The following LAMC3 variants were observed in gnomAD, a reference collection of about 807,000 sequenced individuals.
LAMC3 encodes laminin subunit gamma-3.
LAMC3 carries 128 observed loss-of-function variants against 173.8 expected under a neutral mutation model. The observed-to-expected ratio is 0.74, with a 90% CI of 0.64 to 0.85. LAMC3 has a LOEUF of 0.85. Among genes scored for constraint, LAMC3 ranks in the 40% least tolerant of loss-of-function variants. The pLI is 0.00. For synonymous variants in LAMC3, 897 were observed against 909.1 expected, an observed-to-expected ratio of 0.99 and a Z score of 0.24; for missense variants, 2,022 against 2,156.0, an observed-to-expected ratio of 0.94 and a Z score of 1.23.
Position 131,079,210 on chromosome 9 carries a change from C to T in LAMC3, c.3839C>T (p.Ala1280Val). 1 of 1,614,138 alleles carries T rather than the reference C, an allele frequency of 6.2e-7. No homozygotes were observed. Among genetic ancestry groups the T allele is most frequent in the Non-Finnish European group, 8.5e-7 (1 of 1,180,000 alleles). ...GCGAAGGCCCTGGAGAAGACAGTTGCATCATGGCAGCACATGGCCACTGAG... is the reference window on the plus strand; with the variant it reads ...GCGAAGGCCCTGGAGAAGACAGTTGTATCATGGCAGCACATGGCCACTGAG... Reference protein sequence around the residue: ...LKAKALEKTVASWQHMATEAA... With the variant: ...LKAKALEKTVVSWQHMATEAA... The change falls in exon 23 of 28, where the codon GCA (alanine) becomes GTA (valine). Residue 1280 changes from alanine to valine, a missense_variant. By Grantham distance (64) the Ala-to-Val change is moderately conservative. Coordinates refer to ENST00000361069, the MANE Select transcript of LAMC3 (RefSeq NM_006059.4).
rs749823705 is a variant in LAMC3, at chr9:131,067,003, G to T, written c.2391G>T (p.Pro797=). ...EVCDDGFFGD[P]LGLFGHPQPC... is the part of the protein sequence containing the mutation. ...GTGATGATGGCTTTTTTGGGGACCC[G>T]CTGGGGCTCTTTGGGCACCCCCAGC... The change falls in exon 14 of 28, where the codon CCG becomes CCT. Residue 797 remains proline, a synonymous_variant. Transcript: ENST00000361069. The T allele has an allele frequency of 6.2e-7, 1 of 1,613,908 alleles. No individual in the cohort carries two copies.
chr9:131,030,613 G>T (rs1045322024), intron 2 of LAMC3, among the ~76,000 whole-genome samples: 12 of 152,186 alleles, frequency 7.9e-5, no homozygotes, highest in Admixed American at 7.9e-4. Context: ...TTTAAATGGG[G>T]TTAATAACAA....
At chr9:131,053,091 GAA>G (rs947589909) in intron 11 of LAMC3, 126 bp downstream of exon 11, 3 of 773,810 alleles carry the variant, frequency 3.9e-6, no homozygotes, top group African/African-American at 3.4e-5. Context: ...GTTTTGCCAA[GAA>G]GGAACCTTAG....
At position 131,092,123 on chromosome 9, in the gene LAMC3, A is replaced by C. The variant is rs818055; in HGVS notation, c.*336A>C. The stretch of plus-strand genomic sequence containing the variant: ...GTGTTCAAGTCTAATCCATCCAGTC[A>C]GCAGCTTACGGTCCACACACATTAC... On this transcript the variant is annotated 3_prime_UTR_variant, in exon 28 of 28. Transcript: ENST00000361069. The C allele has an allele frequency of 0.72, 275,068 of 382,874 alleles. 102,460 individuals are homozygous for C. Among genetic ancestry groups the C allele is most frequent in the Admixed American group, 0.8 (20,348 of 25,480 alleles). 23.7% of individuals were successfully genotyped at this position (382,874 alleles called of 1,614,324 possible).
intron 12 of LAMC3, among the ~76,000 whole-genome samples, chr9:131,059,552 A>AAG (rs1314065960): frequency 4.0e-5 from 1 of 24,902 alleles, no homozygotes; most frequent in Non-Finnish European, 1.6e-4. Flanking sequence ...GAGGGCAAGC[A>AAG]CAACCACACG....
rs568225117 is a variant in LAMC3, at chr9:131,052,617, T to C, written c.1757T>C (p.Leu586Pro). 16 of 1,613,948 alleles carry C rather than the reference T, an allele frequency of 9.9e-6. 1 individual carries two copies. In the African/African-American group the frequency reaches 1.9e-4, roughly 19 times the overall value. Residue 586 changes from leucine (L) to proline (P), a missense_variant, in exon 10 of 28, where the codon CTG becomes CCG. Leu to Pro is a moderately conservative substitution (Grantham distance 98). Transcript: ENST00000361069. ...RLEGTGLALS[L>P]RHSSLSGPQD... ...GAAGGGACAGGCTTGGCCCTGTCCCTGAGGCACTCTAGCCTGTCTGGCCCC... is the reference window on the plus strand; with the variant it reads ...GAAGGGACAGGCTTGGCCCTGTCCCCGAGGCACTCTAGCCTGTCTGGCCCC...
chr9:131,078,074 T>C (rs1315301000), intron 22 of LAMC3, among the ~76,000 whole-genome samples: 1 of 152,146 alleles, frequency 6.6e-6, no homozygotes, highest in East Asian at 1.9e-4. Context: ...TCGGGAGCAA[T>C]GCACGAGGTA....
intron 11 of LAMC3, among the ~76,000 whole-genome samples, chr9:131,054,820 GA>G (rs1329802214): frequency 5.4e-5 from 6 of 110,542 alleles, no homozygotes; most frequent in African/African-American, 1.8e-4. Context: ...GAGAGAGAAA[GA>G]AAGAAGAAGG....
At chr9:131,090,140 C>T (rs1011984833) in intron 27 of LAMC3, among the ~76,000 whole-genome samples, 3 of 152,116 alleles carry the variant, frequency 2.0e-5, no homozygotes, top group Admixed American at 1.3e-4. Flanking sequence ...CACAGCCAGT[C>T]GGTAGGAAAG....
At position 131,026,600 on chromosome 9, in the gene LAMC3, A is replaced by T; in HGVS notation, c.678+11A>T. On this transcript the variant is annotated intron_variant, in intron 2 of 27. Coordinates refer to ENST00000361069, the MANE Select transcript of LAMC3 (RefSeq NM_006059.4). The surrounding 1 kb of genome is among the most constrained non-coding windows in gnomAD (Gnocchi z 4.8). ...AGCCCTGGGCTGCAGGTCAGGGAGGAGCGGGGCTTCGGAGGTTGGGACGGG... is the reference window on the plus strand; with the variant it reads ...AGCCCTGGGCTGCAGGTCAGGGAGGTGCGGGGCTTCGGAGGTTGGGACGGG... 6.4e-7 allele frequency: 1 copy of T among 1,568,984 alleles called. No individual in the cohort carries two copies. The highest frequency in any genetic ancestry group is 8.6e-7 in the Non-Finnish European group (1 of 1,157,436).
chr9:131,061,120 A>G lies in LAMC3; in HGVS notation c.2244A>G (p.Gln748=), dbSNP rs145178495. 6.2e-6 allele frequency: 10 copies of G among 1,613,926 alleles called. No homozygotes were observed. Among genetic ancestry groups the G allele is most frequent in the Non-Finnish European group, 7.6e-6 (9 of 1,180,038 alleles). Reference sequence around the variant, plus strand: ...TCTATGGCAACCCTTTCGCGGGCCAAGCCGACGACTGCCAGCCCTGTCCCT... The same window carrying G: ...TCTATGGCAACCCTTTCGCGGGCCAGGCCGACGACTGCCAGCCCTGTCCCT... ...PGFYGNPFAG[Q]ADDCQPCPCP... The change falls in exon 13 of 28, where the codon CAA becomes CAG. Residue 748 remains glutamine, a synonymous_variant. Coordinates refer to ENST00000361069, the MANE Select transcript of LAMC3 (RefSeq NM_006059.4).
intron 3 of LAMC3, among the ~76,000 whole-genome samples, chr9:131,035,849 C>T (rs926385553): frequency 6.6e-6 from 1 of 152,154 alleles, no homozygotes; most frequent in Non-Finnish European, 1.5e-5. Context: ...GGGGCTCCTC[C>T]CAGGCAGAAG....
At chr9:131,047,877 C>A (rs1834200887) in intron 8 of LAMC3, among the ~76,000 whole-genome samples, 1 of 150,914 alleles carries the variant, frequency 6.6e-6, no homozygotes, top group Non-Finnish European at 1.5e-5. Flanking sequence ...AAAAAGAAAA[C>A]AAGTAGTTTT....
rs56948132 is a variant in LAMC3, at chr9:131,022,215, AACACAC to A, written c.374-4046_374-4041del. Among the ~76,000 whole-genome samples the A allele has an allele frequency of 3.6e-3, 518 of 144,750 alleles. 1 individual carries two copies. The highest frequency in any genetic ancestry group is 0.013 in the African/African-American group (494 of 38,698). The allele number at this position is 144,750 out of a possible 152,430, so 95.0% of individuals were successfully genotyped here. A position where few individuals can be genotyped will look rare whatever the true frequency, so the allele number is the denominator to read the frequency against. ...TCATAAGCCAGGAGCTGTGGATGAA[AACACAC>A]ACACACACACACACACACACACATA... On this transcript the variant is annotated intron_variant, in intron 1 of 27. Coordinates refer to ENST00000361069, the MANE Select transcript of LAMC3 (RefSeq NM_006059.4).
chr9:131,048,987 A>G, intron 8 of LAMC3, 33 bp from the exon 9 acceptor site: 2 of 1,422,548 alleles, frequency 1.4e-6, no homozygotes, highest in South Asian at 1.2e-5. Flanking sequence ...GGGGCCTCAC[A>G]CTGATCGGGG....
intron 3 of LAMC3, among the ~76,000 whole-genome samples, chr9:131,032,679 T>C (rs1307027153): frequency 6.6e-6 from 1 of 152,164 alleles, no homozygotes; most frequent in Middle Eastern, 3.4e-3. Context: ...TCTCGCTCTC[T>C]CTCTCTCTGA....
rs568523964 is a variant in LAMC3 at position 131,083,777 on chromosome 9, G to A, written c.4030+1616G>A. 2.6e-5 allele frequency among the ~76,000 whole-genome samples: 4 copies of A among 151,454 alleles called. No homozygotes were observed. In the East Asian group the frequency reaches 7.8e-4, roughly 29 times the overall value. ...GCAAAGCAGGTCTAATTTCTGGATGGAACAATTCTATAATATTATGCCCTC... is the reference window on the plus strand; with the variant it reads ...GCAAAGCAGGTCTAATTTCTGGATGAAACAATTCTATAATATTATGCCCTC... On this transcript the variant is annotated intron_variant, in intron 24 of 27. Transcript: ENST00000361069.
chr9:131,022,410 A>G (rs1452546753), intron 1 of LAMC3, among the ~76,000 whole-genome samples: 1 of 152,024 alleles, frequency 6.6e-6, no homozygotes, highest in Non-Finnish European at 1.5e-5. Flanking sequence ...TCATAACACC[A>G]CAATAACATA....
Position 131,026,142 on chromosome 9 carries a change from T to C in LAMC3, c.374-143T>C. On this transcript the variant is annotated intron_variant, in intron 1 of 27. Transcript: ENST00000361069. The surrounding 1 kb of genome is among the most constrained non-coding windows in gnomAD (Gnocchi z 4.8). Reference sequence around the variant, plus strand: ...CCCAGCAGGCATCATGAATGGAGGGTGGCTTCCCCTGTCCAGAGCTCCAGA... The same window carrying C: ...CCCAGCAGGCATCATGAATGGAGGGCGGCTTCCCCTGTCCAGAGCTCCAGA... The C allele has an allele frequency of 1.3e-6, 2 of 1,495,654 alleles. No individual in the cohort carries two copies. Among genetic ancestry groups the C allele is most frequent in the Non-Finnish European group, 1.8e-6 (2 of 1,109,962 alleles). 92.6% of individuals were successfully genotyped at this position (1,495,654 alleles called of 1,614,324 possible). A position where few individuals can be genotyped will look rare whatever the true frequency, so the allele number is the denominator to read the frequency against.
Sources: allele counts gnomAD v4.1 joint callset (sites outside exome capture counted in the v4.1 genomes callset), GRCh38; gene constraint gnomAD v4.1.1; non-coding constraint Gnocchi (gnomAD v3.1); transcripts MANE v1.5; gene names NCBI Gene and HGNC (gene_info 2026-07-23, HGNC 2026-07-21).